The following MPPED1 variants were observed in gnomAD, a reference collection of about 807,000 sequenced individuals.
The protein encoded by MPPED1 is metallophosphoesterase domain containing 1.
A neutral mutation model predicts 36.2 loss-of-function variants in MPPED1; 16 were observed. That is an observed-to-expected ratio of 0.44 (90% CI 0.30 to 0.67). The LOEUF is 0.67. Ranked by LOEUF, MPPED1 falls within the 30% of genes least tolerant of loss-of-function variation. The probability of loss-of-function intolerance (pLI) is 0.10; values close to 1 mark genes in which losing one functional copy is unlikely to be tolerated. For missense variants in MPPED1, 307 were observed against 453.4 expected (o/e 0.68, Z 2.93); for synonymous variants, 199 against 191.3 (o/e 1.04, Z -0.33).
At chr22:43,417,937 G>A (rs1180809662) in intron 1 of MPPED1, 3 of 409,776 alleles carry the variant, frequency 7.3e-6, no homozygotes, top group African/African-American at 6.2e-5. Flanking sequence ...TCCTCAGAAC[G>A]CCGCAGCGGG....
chr22:43,477,582 T>C (rs1406917499), intron 4 of MPPED1, among the ~76,000 whole-genome samples: 1 of 152,186 alleles, frequency 6.6e-6, no homozygotes, highest in Non-Finnish European at 1.5e-5. Context: ...CTGGAGGCTG[T>C]GGGCAGATTT....
At position 43,414,912 on chromosome 22, in the gene MPPED1, C is replaced by G. The variant is rs753986606; in HGVS notation, c.-79+2754C>G. Among the ~76,000 whole-genome samples, 6 of 152,220 alleles carry G rather than the reference C, an allele frequency of 3.9e-5. No homozygotes were observed. In the South Asian group the frequency reaches 1.0e-3, roughly 26 times the overall value. On this transcript the variant is annotated intron_variant, in intron 1 of 6. Transcript: ENST00000443721. ...TGGGAATAGCTTCTCAGGCTCCCTC[C>G]GTACCCACAGATCAAAGTCGATGGC... is the stretch of plus-strand genomic sequence containing the variant.
At position 43,466,110 on chromosome 22, in the gene MPPED1, A is replaced by G. The variant is rs145474806; in HGVS notation, c.407-8626A>G. On this transcript the variant is annotated intron_variant, in intron 3 of 6. Transcript: ENST00000443721. ...ATTAGGACTGAATGTTCCTGTTTTT[A>G]AAACATTTCCCAGGAAAAACAAATG... is the stretch of plus-strand genomic sequence containing the variant. 2.6e-4 allele frequency among the ~76,000 whole-genome samples: 39 copies of G among 152,366 alleles called. No homozygotes were observed. In the East Asian group the frequency reaches 7.1e-3, roughly 28 times the overall value.
Position 43,412,801 on chromosome 22 carries a change from A to G in MPPED1, c.-79+643A>G, listed in dbSNP as rs570777828. ...CCAGCCCTCAAAGGGAATGTTGATC[A>G]TGGAATGCCCAAACTAAGGAGCAGT... On this transcript the variant is annotated intron_variant, in intron 1 of 6. Coordinates refer to ENST00000443721, the MANE Select transcript of MPPED1 (RefSeq NM_001044370.2). Among the ~76,000 whole-genome samples the G allele has an allele frequency of 2.1e-4, 32 of 152,308 alleles. 1 individual carries two copies. The highest frequency in any genetic ancestry group is 7.7e-4 in the African/African-American group (32 of 41,570).
chr22:43,425,340 G>T, intron 2 of MPPED1, 131 bp downstream of exon 2: 1 of 1,404,884 alleles, frequency 7.1e-7, no homozygotes. Flanking sequence ...AACAATTCTG[G>T]AATTCTAGGA....
At chr22:43,419,438 C>G (rs1182598898) in intron 1 of MPPED1, among the ~76,000 whole-genome samples, 1 of 152,104 alleles carries the variant, frequency 6.6e-6, no homozygotes, top group Non-Finnish European at 1.5e-5. Context: ...GCAGGGCCTT[C>G]TGGACAGAGG....
chr22:43,501,717 G>T (rs1455894582), intron 5 of MPPED1, among the ~76,000 whole-genome samples: 3 of 152,122 alleles, frequency 2.0e-5, no homozygotes, highest in Middle Eastern at 3.2e-3. Context: ...CTTGTCCAAG[G>T]TCACACAGCC....
intron 3 of MPPED1, among the ~76,000 whole-genome samples, chr22:43,447,883 A>ATATATATATATATATATATTTTTTT (rs1321289636): frequency 1.5e-5 from 1 of 67,738 alleles, no homozygotes; most frequent in African/African-American, 6.7e-5. Flanking sequence ...ATATATATAT[A>ATATATATATATATATATATTTTTTT]TTTTTTTTTT....
intron 5 of MPPED1, among the ~76,000 whole-genome samples, chr22:43,500,201 A>ATGGTGGTG (rs1166222062): frequency 1.1e-4 from 1 of 8,922 alleles, no homozygotes. Flanking sequence ...TGGAGGTGGT[A>ATGGTGGTG]ATGGAGGTGG....
At chr22:43,490,730 C>A (rs1165936713) in intron 4 of MPPED1, among the ~76,000 whole-genome samples, 2 of 152,186 alleles carry the variant, frequency 1.3e-5, no homozygotes, top group African/African-American at 4.8e-5. Context: ...AAATGTGTTG[C>A]TTGTTTTTCT....
intron 4 of MPPED1, among the ~76,000 whole-genome samples, chr22:43,496,678 G>A (rs1243286687): frequency 2.3e-3 from 1 of 432 alleles, no homozygotes; most frequent in Non-Finnish European, 3.9e-3. Flanking sequence ...TGGTGGTGGA[G>A]ATGGTGGTGG....
intron 1 of MPPED1, chr22:43,416,550 T>TGATATATAAGCGGGAAG (rs1929081097): frequency 6.6e-6 from 1 of 152,218 alleles, no homozygotes; most frequent in Non-Finnish European, 1.5e-5. Context: ...GAGTGTGACT[T>TGATATATAAGCGGGAAG]GATATATAAG....
chr22:43,446,874 A>G (rs1304795991), intron 3 of MPPED1, among the ~76,000 whole-genome samples: 3 of 152,198 alleles, frequency 2.0e-5, no homozygotes, highest in Non-Finnish European at 2.9e-5. Context: ...TACCGTGGGC[A>G]GCAAATCAAG....
At chr22:43,498,713 G>A (rs2146919593) in intron 5 of MPPED1, among the ~76,000 whole-genome samples, 2 of 152,116 alleles carry the variant, frequency 1.3e-5, no homozygotes, top group Non-Finnish European at 2.9e-5. Flanking sequence ...AACTCCCTCA[G>A]AAACCTGGGG....
chr22:43,453,385 CA>C (rs1048146468), intron 3 of MPPED1, among the ~76,000 whole-genome samples: 2 of 151,686 alleles, frequency 1.3e-5, no homozygotes, highest in African/African-American at 4.8e-5. Flanking sequence ...CTCAGTGACA[CA>C]AGGGCCAGAT....
At chr22:43,466,660 C>T (rs1931182317) in intron 3 of MPPED1, among the ~76,000 whole-genome samples, 1 of 152,178 alleles carries the variant, frequency 6.6e-6, no homozygotes, top group African/African-American at 2.4e-5. Flanking sequence ...AACCACTCCA[C>T]AGCCCACAGT....
At chr22:43,481,421 G>A (rs1396397044) in intron 4 of MPPED1, among the ~76,000 whole-genome samples, 1 of 152,068 alleles carries the variant, frequency 6.6e-6, no homozygotes, top group East Asian at 1.9e-4. Context: ...TATCCTACTA[G>A]GGCGTCTGAG....
At chr22:43,414,770 T>C (rs1348034050) in intron 1 of MPPED1, among the ~76,000 whole-genome samples, 1 of 152,020 alleles carries the variant, frequency 6.6e-6, no homozygotes, top group Non-Finnish European at 1.5e-5. Context: ...TTTCACGAAT[T>C]CCCCCTTTCC....
intron 1 of MPPED1, chr22:43,418,656 G>C (rs1301320259): frequency 6.2e-6 from 1 of 161,620 alleles, no homozygotes; most frequent in Non-Finnish European, 1.4e-5. Flanking sequence ...AGCCCTTGGA[G>C]GGCTAGTTTC....
Sources: gnomAD v4.1 joint callset for allele counts (sites outside exome capture counted in the v4.1 genomes callset) on GRCh38, gnomAD v4.1.1 for gene constraint, MANE v1.5 for transcripts, NCBI Gene and HGNC (gene_info 2026-07-23, HGNC 2026-07-21) for gene names.